The following MMS19 variants were observed in gnomAD, a reference collection of about 807,000 sequenced individuals.
MMS19 encodes the protein MMS19 nucleotide excision repair protein homolog.
In MMS19, 77 loss-of-function variants were observed where a neutral mutation model predicts 129.8. The ratio of observed to expected loss-of-function variants is 0.59; its 90% CI spans 0.49 to 0.72. The LOEUF (loss-of-function observed/expected upper bound fraction) is 0.72, where lower values mean the gene tolerates loss of function less well. MMS19 is among the 30% of genes least tolerant of loss of function. The pLI is 0.00. For missense variants in MMS19, 1,168 were observed against 1,266.3 expected (o/e 0.92, Z 1.18); for synonymous variants, 491 against 502.8 (o/e 0.98, Z 0.31).
At chr10:97,471,934 A>G (rs143961932) in intron 8 of MMS19, among the ~76,000 whole-genome samples, 272 of 152,352 alleles carry the variant, frequency 1.8e-3, no homozygotes, top group Non-Finnish European at 3.4e-3. Flanking sequence ...GAGGTCCAAC[A>G]GAAGATTAAT....
chr10:97,461,058 A>G (rs1278129741), intron 23 of MMS19, 51 bp from the exon 24 acceptor site: 1 of 1,424,386 alleles, frequency 7.0e-7, no homozygotes, highest in East Asian at 2.5e-5. Flanking sequence ...TTTTCCCTTT[A>G]GCAATGAAAT....
intron 8 of MMS19, among the ~76,000 whole-genome samples, chr10:97,475,639 G>A (rs768207622): frequency 3.3e-5 from 5 of 152,134 alleles, no homozygotes; most frequent in Non-Finnish European, 7.4e-5. Flanking sequence ...TTGGGAGGCC[G>A]AGGCAGAGAA....
chr10:97,493,778 G>A (rs1171939082), intron 1 of MMS19, among the ~76,000 whole-genome samples: 1 of 152,176 alleles, frequency 6.6e-6, no homozygotes, highest in Non-Finnish European at 1.5e-5. Flanking sequence ...ACTTTGGGAG[G>A]CCAAGGCAGG....
chr10:97,472,879 T>A (rs1361825044), intron 8 of MMS19, among the ~76,000 whole-genome samples: 1 of 151,998 alleles, frequency 6.6e-6, no homozygotes, highest in Non-Finnish European at 1.5e-5. Context: ...AGTAGCGGGA[T>A]TACAAGCGTC....
chr10:97,466,418 A>C, intron 16 of MMS19, 86 bp downstream of exon 16: 2 of 1,115,178 alleles, frequency 1.8e-6, no homozygotes, highest in East Asian at 4.8e-5. Context: ...GGTCAGAAGC[A>C]CAGAGCCCTG....
chr10:97,467,133 C>T (rs1001496431), intron 14 of MMS19, among the ~76,000 whole-genome samples: 7 of 152,212 alleles, frequency 4.6e-5, no homozygotes, highest in Non-Finnish European at 1.0e-4. Flanking sequence ...CATGTGCCAA[C>T]AGGCCTGGCT....
chr10:97,484,542 C>T (rs1482954025), intron 1 of MMS19, among the ~76,000 whole-genome samples: 3 of 151,972 alleles, frequency 2.0e-5, no homozygotes, highest in South Asian at 4.2e-4. Flanking sequence ...TTTATAATAG[C>T]GAAAAAAGAA....
At position 97,476,765 on chromosome 10, in the gene MMS19, T is replaced by A. The variant is rs1397615439; in HGVS notation, c.623-21A>T. ...GGGTCCTGTGGCAACAGAGAAAAAA[T>A]GAGGTTGGTTTATCAGCTTCACTCA... On this transcript the variant is annotated intron_variant, in intron 7 of 30. Coordinates refer to ENST00000438925, the MANE Select transcript of MMS19 (RefSeq NM_022362.5). 4 of 1,613,332 alleles carry A rather than the reference T, an allele frequency of 2.5e-6. No homozygotes were observed. In the Admixed American group the frequency reaches 6.7e-5, roughly 27 times the overall value.
In MMS19 at chr10:97,459,127, C is replaced by A. The variant is rs1229459092; in HGVS notation, c.2964+96G>T. The A allele has an allele frequency of 2.4e-6, 3 of 1,225,412 alleles. No individual in the cohort carries two copies. The African/African-American group carries it at 4.5e-5, about 19-fold the overall frequency. The allele number at this position is 1,225,412 out of a possible 1,614,324, so 75.9% of individuals were successfully genotyped here. Reference sequence around the variant, plus strand: ...CCTTGTAATTCAGATCTCAATTACACACCAGGGTGGCCAAGCCCACCTGAC... The same window carrying A: ...CCTTGTAATTCAGATCTCAATTACAAACCAGGGTGGCCAAGCCCACCTGAC... On this transcript the variant is annotated intron_variant, in intron 29 of 30. Coordinates refer to ENST00000438925, the MANE Select transcript of MMS19 (RefSeq NM_022362.5).
Position 97,496,685 on chromosome 10 carries a change from A to G in MMS19, c.112+1588T>C, listed in dbSNP as rs146336512. Among the ~76,000 whole-genome samples, 326 of 152,332 alleles carry G rather than the reference A, an allele frequency of 2.1e-3. 1 individual carries two copies. The highest frequency in any genetic ancestry group is 7.4e-3 in the African/African-American group (306 of 41,564). ...AAGACTCATCACAAATGACACTGAT[A>G]TAGTAATGTTCTATATCTTCGTAGG... On this transcript the variant is annotated intron_variant, in intron 1 of 30. Coordinates refer to ENST00000438925, the MANE Select transcript of MMS19 (RefSeq NM_022362.5).
Position 97,458,553 on chromosome 10 carries a change from C to T in MMS19, c.*139G>A. 1.3e-6 allele frequency: 1 copy of T among 771,666 alleles called. No individual in the cohort carries two copies. Among genetic ancestry groups the T allele is most frequent in the Non-Finnish European group, 2.1e-6 (1 of 483,732 alleles). The allele number at this position is 771,666 out of a possible 1,614,324, so 47.8% of individuals were successfully genotyped here. A position where few individuals can be genotyped will look rare whatever the true frequency, so the allele number is the denominator to read the frequency against. On this transcript the variant is annotated 3_prime_UTR_variant, in exon 31 of 31. Transcript: ENST00000438925. ...CTCTTATGTTCTTTGTACAGCCATG[C>T]AACAGAGGCCTAGCATTTGTGCTGT... is the stretch of plus-strand genomic sequence containing the variant.
chr10:97,465,993 AG>A, intron 17 of MMS19, 39 bp from the exon 18 acceptor site: 1 of 1,612,762 alleles, frequency 6.2e-7, no homozygotes, highest in East Asian at 2.2e-5. Flanking sequence ...ACTGTGTGAT[AG>A]GAAGCACGAA....
rs1171040306 is a variant in MMS19, at chr10:97,476,596, GACCTGTACCCTCAGTGCCCAGA to G, written c.684+65_684+86del. 14 of 1,233,146 alleles carry G rather than the reference GACCTGTACCCTCAGTGCCCAGA, an allele frequency of 1.1e-5. No individual in the cohort carries two copies. In the African/African-American group the frequency reaches 1.8e-4, roughly 16 times the overall value. The allele number at this position is 1,233,146 out of a possible 1,614,324, so 76.4% of individuals were successfully genotyped here. A position where few individuals can be genotyped will look rare whatever the true frequency, so the allele number is the denominator to read the frequency against. Reference sequence around the variant, plus strand: ...TGAGGGCGGGGATGTCTATTTTGGTGACCTGTACCCTCAGTGCCCAGAACAGGGCTTGGCACATAGCAGACAC... The same window carrying G: ...TGAGGGCGGGGATGTCTATTTTGGTGACAGGGCTTGGCACATAGCAGACAC... On this transcript the variant is annotated intron_variant, in intron 8 of 30. Transcript: ENST00000438925.
At chr10:97,488,998 C>A (rs1285195184) in intron 1 of MMS19, among the ~76,000 whole-genome samples, 1 of 152,044 alleles carries the variant, frequency 6.6e-6, no homozygotes, top group Non-Finnish European at 1.5e-5. Flanking sequence ...TGCTCTGTTG[C>A]CCAGGCTGGA....
At chr10:97,492,136 T>TAAAAAAAAAAAA (rs35108950) in intron 1 of MMS19, among the ~76,000 whole-genome samples, 1 of 98,262 alleles carries the variant, frequency 1.0e-5, no homozygotes, top group Non-Finnish European at 2.0e-5. Flanking sequence ...AAACTCAATC[T>TAAAAAAAAAAAA]AAAAAAAAAA....
At chr10:97,461,217 C>T in intron 23 of MMS19, 1 of 607,162 alleles carries the variant, frequency 1.6e-6, no homozygotes, top group Non-Finnish European at 2.9e-6. Flanking sequence ...AGAGGGTCAT[C>T]TACTTCCAAT....
intron 8 of MMS19, among the ~76,000 whole-genome samples, chr10:97,471,651 C>T (rs1030796424): frequency 1.3e-5 from 2 of 152,086 alleles, no homozygotes; most frequent in Admixed American, 6.6e-5. Context: ...GCTGGGGTTA[C>T]AGGCGCACCA....
chr10:97,466,875 C>A lies in MMS19; in HGVS notation c.1324G>T (p.Asp442Tyr). The stretch of plus-strand genomic sequence containing the variant: ...ATGAATACCAGTGAGCACAGCTGGT[C>A]CTTGAAGCCATTCAGAGGCCTTTGA... ...KDQRPLNGFKDQLCSLVFMAL... is the reference protein window; with the variant it reads ...KDQRPLNGFKYQLCSLVFMAL... Residue 442 changes from aspartate to tyrosine, a missense_variant, in exon 15 of 31, where the codon GAC (aspartate) becomes TAC (tyrosine). This residue lies in a region of MMS19 where 831 missense variants were observed against 910.8 expected (regional missense o/e 0.91). Transcript: ENST00000438925. 2 of 1,613,918 alleles carry A rather than the reference C, an allele frequency of 1.2e-6. No individual in the cohort carries two copies. The highest frequency in any genetic ancestry group is 2.2e-5 in the South Asian group (2 of 91,064).
At position 97,498,134 on chromosome 10, in the gene MMS19, C is replaced by A. The variant is rs29001247; in HGVS notation, c.112+139G>T. On this transcript the variant is annotated intron_variant, in intron 1 of 30. Coordinates refer to ENST00000438925, the MANE Select transcript of MMS19 (RefSeq NM_022362.5). ...CTCTCTAACTTGTTACGGCTCTGAA[C>A]CTCGCGGTGCTCACTAACCAGCCTT... 1,505 of 731,934 alleles carry A rather than the reference C, an allele frequency of 2.1e-3. 2 individuals carry two copies. Among genetic ancestry groups the A allele is most frequent in the Non-Finnish European group, 2.9e-3 (1,323 of 457,576 alleles). The allele number at this position is 731,934 out of a possible 1,614,324, so 45.3% of individuals were successfully genotyped here. A position where few individuals can be genotyped will look rare whatever the true frequency, so the allele number is the denominator to read the frequency against.
Sources: allele counts gnomAD v4.1 joint callset (sites outside exome capture counted in the v4.1 genomes callset), GRCh38; gene constraint gnomAD v4.1.1; regional missense constraint gnomAD v4.1.1; transcripts MANE v1.5; gene names NCBI Gene and HGNC (gene_info 2026-07-23, HGNC 2026-07-21).